Variants in DOCK4 observed in about 807,000 individuals in gnomAD.
DOCK4 encodes the protein dedicator of cytokinesis 4.
Under a neutral mutation model 268.1 loss-of-function variants are expected in DOCK4, and 97 were observed. The ratio of observed to expected loss-of-function variants is 0.36; its 90% CI spans 0.31 to 0.43. The LOEUF is 0.43. DOCK4 is among the 20% of genes least tolerant of loss of function. The probability of loss-of-function intolerance (pLI) is 1.00; values close to 1 mark genes in which losing one functional copy is unlikely to be tolerated. For missense variants in DOCK4, 2,145 were observed against 2,455.7 expected (o/e 0.87, Z 2.67); for synonymous variants, 954 against 887.2 (o/e 1.08, Z -1.34).
intron 8 of DOCK4, among the ~76,000 whole-genome samples, chr7:111,958,826 C>T (rs2134957299): frequency 1.3e-5 from 2 of 152,300 alleles, no homozygotes; most frequent in Middle Eastern, 3.4e-3. Flanking sequence ...ACCCTGGGTG[C>T]TCTCAGTATG....
intron 1 of DOCK4, among the ~76,000 whole-genome samples, chr7:112,149,529 G>A (rs1225087979): frequency 6.6e-6 from 1 of 151,142 alleles, no homozygotes. Context: ...AAAAGGAGGA[G>A]CAGACAACAT....
intron 26 of DOCK4, among the ~76,000 whole-genome samples, chr7:111,823,620 T>C (rs1802177311): frequency 6.6e-6 from 1 of 152,218 alleles, no homozygotes; most frequent in Non-Finnish European, 1.5e-5. Flanking sequence ...TGAAATGAGC[T>C]TTCCCTACTC....
chr7:111,853,700 C>T (rs1804770939), intron 23 of DOCK4, among the ~76,000 whole-genome samples: 2 of 152,150 alleles, frequency 1.3e-5, no homozygotes, highest in African/African-American at 4.8e-5. Flanking sequence ...GCTTTAATCC[C>T]ACCCTGAATG....
chr7:112,131,267 C>A (rs1813770201), intron 1 of DOCK4, among the ~76,000 whole-genome samples: 1 of 152,114 alleles, frequency 6.6e-6, no homozygotes, highest in South Asian at 2.1e-4. Context: ...TAAATCACTC[C>A]ATGGTGACTA....
At chr7:111,896,131 G>A (rs536351170) in intron 15 of DOCK4, among the ~76,000 whole-genome samples, 25 of 152,260 alleles carry the variant, frequency 1.6e-4, no homozygotes, top group South Asian at 4.1e-4. Flanking sequence ...GAAATGGTTT[G>A]TTTTGATTAC....
chr7:111,888,616 C>T (rs1416404813), intron 16 of DOCK4, among the ~76,000 whole-genome samples: 1 of 151,792 alleles, frequency 6.6e-6, no homozygotes, highest in Non-Finnish European at 1.5e-5. Context: ...TTGAAGTGGC[C>T]AAGAAAACAA....
intron 46 of DOCK4, 69 bp from the exon 47 acceptor site, chr7:111,741,283 C>T (rs1336839320): frequency 1.9e-6 from 3 of 1,578,326 alleles, no homozygotes; most frequent in Non-Finnish European, 2.6e-6. Flanking sequence ...TGCTAGAATG[C>T]TATGAAACCA....
At chr7:111,846,440 T>C (rs892494348) in intron 24 of DOCK4, among the ~76,000 whole-genome samples, 1 of 151,902 alleles carries the variant, frequency 6.6e-6, no homozygotes, top group East Asian at 1.9e-4. Context: ...CATTCTCTAA[T>C]GCAATTGCAT....
chr7:112,053,177 CTT>C lies in DOCK4; in HGVS notation c.38-49048_38-49047del, dbSNP rs530064874. 1.3e-4 allele frequency among the ~76,000 whole-genome samples: 20 copies of C among 152,308 alleles called. No individual in the cohort carries two copies. In the South Asian group the frequency reaches 3.9e-3, roughly 30 times the overall value. ...GGAAAGGCAATGACAGGCCATAACT[CTT>C]ACTAATTATAGTACAATATTTGGCC... On this transcript the variant is annotated intron_variant, in intron 1 of 52. Transcript: ENST00000428084.
intron 30 of DOCK4, among the ~76,000 whole-genome samples, chr7:111,806,700 T>C (rs1422933618): frequency 1.3e-5 from 2 of 152,218 alleles, no homozygotes; most frequent in African/African-American, 4.8e-5. Context: ...GAAAACTTGC[T>C]AAAACAGACT....
intron 1 of DOCK4, among the ~76,000 whole-genome samples, chr7:112,079,042 G>A (rs1021408372): frequency 2.6e-5 from 4 of 152,170 alleles, no homozygotes; most frequent in Admixed American, 6.5e-5. Flanking sequence ...CAAGAGAATC[G>A]TTTTAACCTA....
At chr7:112,074,551 G>A (rs1024464262) in intron 1 of DOCK4, among the ~76,000 whole-genome samples, 3 of 152,134 alleles carry the variant, frequency 2.0e-5, no homozygotes, top group Non-Finnish European at 4.4e-5. Flanking sequence ...ATACTAGTGG[G>A]GGACTGCAAG....
At chr7:112,152,499 C>A (rs1399395928) in intron 1 of DOCK4, among the ~76,000 whole-genome samples, 1 of 152,166 alleles carries the variant, frequency 6.6e-6, no homozygotes. Flanking sequence ...TCTTAGCTTG[C>A]AGCACTGAGA....
At chr7:111,913,473 G>A (rs1419707447) in intron 13 of DOCK4, among the ~76,000 whole-genome samples, 11 of 148,420 alleles carry the variant, frequency 7.4e-5, no homozygotes, top group African/African-American at 1.2e-4. Context: ...GCAGTGGCGC[G>A]ATCTCCGCTC....
chr7:112,189,116 C>T (rs1209209064), intron 1 of DOCK4, among the ~76,000 whole-genome samples: 1 of 152,126 alleles, frequency 6.6e-6, no homozygotes, highest in Non-Finnish European at 1.5e-5. Context: ...CTATAAATAA[C>T]AATTGTAGTC....
intron 44 of DOCK4, 102 bp from the exon 45 acceptor site, chr7:111,742,234 T>C (rs1795965815): frequency 1.6e-6 from 2 of 1,221,442 alleles, no homozygotes; most frequent in Non-Finnish European, 2.1e-6. Context: ...CTTGCATTAT[T>C]GCTAATCCTC....
At chr7:111,790,234 G>A (rs1799438591) in intron 31 of DOCK4, among the ~76,000 whole-genome samples, 1 of 152,162 alleles carries the variant, frequency 6.6e-6, no homozygotes, top group African/African-American at 2.4e-5. Context: ...TTTTTCAGCT[G>A]AAAAGGAATC....
At chr7:111,734,267 T>G (rs1795314908) in intron 51 of DOCK4, among the ~76,000 whole-genome samples, 1 of 152,024 alleles carries the variant, frequency 6.6e-6, no homozygotes, top group South Asian at 2.1e-4. Context: ...TGGTGCCATC[T>G]TGGTTCACTG....
chr7:111,762,757 G>GTTTTTTTTTTTTTTTTTTTTTTT (rs1797499588), intron 39 of DOCK4, among the ~76,000 whole-genome samples: 1 of 55,002 alleles, frequency 1.8e-5, no homozygotes, highest in Non-Finnish European at 3.7e-5. Context: ...ATTTTGTTTT[G>GTTTTTTTTTTTTTTTTTTTTTTT]TTTTCTTTTT....
Sources: gnomAD v4.1 joint callset for allele counts (sites outside exome capture counted in the v4.1 genomes callset) on GRCh38, gnomAD v4.1.1 for gene constraint, MANE v1.5 for transcripts, NCBI Gene and HGNC (gene_info 2026-07-23, HGNC 2026-07-21) for gene names.